The following ZMYM2 variants were observed in gnomAD, a reference collection of about 807,000 sequenced individuals.
The protein encoded by ZMYM2 is zinc finger MYM-type protein 2.
A neutral mutation model predicts 162.8 loss-of-function variants in ZMYM2; 56 were observed. The observed-to-expected ratio is 0.34, with a 90% CI of 0.28 to 0.43. ZMYM2 has a LOEUF of 0.43. ZMYM2 is among the 20% of genes least tolerant of loss of function. The probability of loss-of-function intolerance (pLI) is 1.00; values close to 1 mark genes in which losing one functional copy is unlikely to be tolerated. For synonymous variants in ZMYM2, 510 were observed against 541.6 expected (o/e 0.94, Z 0.81); for missense variants, 1,275 against 1,621.8 (o/e 0.79, Z 3.67).
chr13:19,894,203 T>C, the ZMYM2 span, among the ~76,000 whole-genome samples: 1 of 151,906 alleles, frequency 6.6e-6, no homozygotes, highest in Admixed American at 6.6e-5. Context: ...TGAAAATGCA[T>C]TTACTACACC....
chr13:19,879,830 G>C, the ZMYM2 span, among the ~76,000 whole-genome samples: 1 of 152,182 alleles, frequency 6.6e-6, no homozygotes. Flanking sequence ...ATGGGTCTTT[G>C]AGGGTCTTTC....
At chr13:19,877,599 G>A in the ZMYM2 span, among the ~76,000 whole-genome samples, 1 of 152,152 alleles carries the variant, frequency 6.6e-6, no homozygotes, top group Non-Finnish European at 1.5e-5. Context: ...GAGTTTTGGT[G>A]GAGACAATAT....
the ZMYM2 span, among the ~76,000 whole-genome samples, chr13:19,920,283 A>AT: frequency 2.3e-4 from 35 of 151,626 alleles, no homozygotes; most frequent in South Asian, 5.4e-3. Context: ...CAAAAAAAAC[A>AT]TTTTTTTTTA....
At chr13:20,012,737 A>T (rs954505169) in intron 6 of ZMYM2, among the ~76,000 whole-genome samples, 1 of 152,160 alleles carries the variant, frequency 6.6e-6, no homozygotes, top group South Asian at 2.1e-4. Context: ...TGAAGGGATT[A>T]TTCTTTCTCT....
intron 12 of ZMYM2, among the ~76,000 whole-genome samples, chr13:20,039,157 G>A (rs1228356983): frequency 6.6e-6 from 1 of 152,144 alleles, no homozygotes; most frequent in African/African-American, 2.4e-5. Flanking sequence ...TTTATCAGCT[G>A]AGGGAACTTT....
the ZMYM2 span, among the ~76,000 whole-genome samples, chr13:19,873,538 A>AATCAAT: frequency 6.6e-6 from 1 of 151,980 alleles, no homozygotes; most frequent in Admixed American, 6.6e-5. Context: ...CCTCCTGAAT[A>AATCAAT]GCTGTGATTA....
At chr13:20,051,619 T>C (rs1485559852) in intron 13 of ZMYM2, 21 bp downstream of exon 13, 8 of 1,600,288 alleles carry the variant, frequency 5.0e-6, no homozygotes, top group Non-Finnish European at 6.8e-6. Context: ...ATTTAGGTGA[T>C]AACTTGAAAA....
chr13:20,027,004 A>G (rs973339244), intron 8 of ZMYM2, among the ~76,000 whole-genome samples, 199 bp from the exon 9 acceptor site: 10 of 152,084 alleles, frequency 6.6e-5, no homozygotes, highest in African/African-American at 9.7e-5. Context: ...TTTTTTCTCT[A>G]TATCTATGTA....
chr13:20,025,365 T>C (rs1202316208), intron 7 of ZMYM2: 2 of 188,322 alleles, frequency 1.1e-5, no homozygotes, highest in Non-Finnish European at 2.2e-5. Context: ...CAAAACAACT[T>C]GCACTTGAAG....
rs374710377 is a variant in ZMYM2 at position 20,050,272 on chromosome 13, G to A, written c.2293-1161G>A. Reference sequence around the variant, plus strand: ...TCTAACCTTGGGGTATGTTTGTTATGTAAGACCTGTTTGTCAACACAGTCA... The same window carrying A: ...TCTAACCTTGGGGTATGTTTGTTATATAAGACCTGTTTGTCAACACAGTCA... On this transcript the variant is annotated intron_variant, in intron 12 of 24. Transcript: ENST00000610343. Among the ~76,000 whole-genome samples, 63 of 151,910 alleles carry A rather than the reference G, an allele frequency of 4.1e-4. 1 individual carries two copies. The South Asian group carries it at 0.013, about 31-fold the overall frequency.
chr13:20,031,865 G>GTTTTTTTTTTTTTTTTT (rs10642086), intron 10 of ZMYM2, among the ~76,000 whole-genome samples: 16 of 130,272 alleles, frequency 1.2e-4, no homozygotes, highest in Non-Finnish European at 1.9e-4. Flanking sequence ...TTCTGTAATT[G>GTTTTTTTTTTTTTTTTT]TTTTTTTTTT....
At chr13:19,889,108 T>C in the ZMYM2 span, among the ~76,000 whole-genome samples, 1 of 151,878 alleles carries the variant, frequency 6.6e-6, no homozygotes, top group South Asian at 2.1e-4. Context: ...CTTTGTGCCC[T>C]TTGTTCAAAA....
At chr13:19,883,778 G>C in the ZMYM2 span, among the ~76,000 whole-genome samples, 5 of 151,894 alleles carry the variant, frequency 3.3e-5, no homozygotes, top group African/African-American at 1.2e-4. Context: ...TTTTGAGCTG[G>C]AATCTTTTAA....
chr13:19,931,719 G>A, the ZMYM2 span, among the ~76,000 whole-genome samples: 1 of 152,178 alleles, frequency 6.6e-6, no homozygotes, highest in Non-Finnish European at 1.5e-5. Context: ...GACTTCCCAG[G>A]CTCAAGTGAT....
intron 3 of ZMYM2, among the ~76,000 whole-genome samples, 170 bp downstream of exon 3, chr13:19,994,089 GTA>G (rs1949836201): frequency 6.6e-6 from 1 of 152,192 alleles, no homozygotes; most frequent in Non-Finnish European, 1.5e-5. Flanking sequence ...GTAAAACCAT[GTA>G]TAGTATTTTT....
At chr13:19,866,321 G>A in the ZMYM2 span, among the ~76,000 whole-genome samples, 1 of 152,136 alleles carries the variant, frequency 6.6e-6, no homozygotes, top group African/African-American at 2.4e-5. Flanking sequence ...ATAAAAGCTT[G>A]TAAATTTTGC....
At chr13:19,884,821 C>T in the ZMYM2 span, among the ~76,000 whole-genome samples, 1 of 152,118 alleles carries the variant, frequency 6.6e-6, no homozygotes, top group Admixed American at 6.5e-5. Context: ...ATACAACAAA[C>T]ATTCCAGCAG....
At chr13:20,081,708 A>G (rs968849957) in intron 21 of ZMYM2, among the ~76,000 whole-genome samples, 7 of 152,162 alleles carry the variant, frequency 4.6e-5, no homozygotes, top group African/African-American at 1.7e-4. Flanking sequence ...CATGCACTAT[A>G]TAATAAACAC....
At chr13:20,064,596 G>A in intron 19 of ZMYM2, 51 bp downstream of exon 19, 2 of 1,396,942 alleles carry the variant, frequency 1.4e-6, no homozygotes, top group Non-Finnish European at 1.9e-6. Flanking sequence ...AGGCAAACAA[G>A]GATACAGTGT....
Sources: gnomAD v4.1 joint callset for allele counts (sites outside exome capture counted in the v4.1 genomes callset) on GRCh38, gnomAD v4.1.1 for gene constraint, MANE v1.5 for transcripts, NCBI Gene and HGNC (gene_info 2026-07-23, HGNC 2026-07-21) for gene names.